Variants in KCNN2 observed in about 807,000 individuals in gnomAD.
The protein encoded by KCNN2 is potassium calcium-activated channel subfamily N member 2.
Under a neutral mutation model 55.5 loss-of-function variants are expected in KCNN2, and 24 were observed. The ratio of observed to expected loss-of-function variants is 0.43; its 90% confidence interval spans 0.31 to 0.61. The LOEUF (loss-of-function observed/expected upper bound fraction) is 0.61, where lower values mean the gene tolerates loss of function less well. Among genes scored for constraint, KCNN2 ranks in the 20% least tolerant of loss-of-function variants. The pLI is 0.08. For synonymous variants in KCNN2, 431 were observed against 336.1 expected (o/e 1.28, Z -3.09); for missense variants, 754 against 853.6 (o/e 0.88, Z 1.45).
At chr5:114,419,987 G>GACCC in intron 3 of KCNN2, among the ~76,000 whole-genome samples, 1 of 152,356 alleles carries the variant, frequency 6.6e-6, no homozygotes, top group East Asian at 1.9e-4. Flanking sequence ...AACATAGTGA[G>GACCC]ACCCTGTCTC....
rs1042566404 is a variant in KCNN2, at chr5:114,232,205, G to A, written c.-185+10640G>A. Among the ~76,000 whole-genome samples the A allele has an allele frequency of 1.2e-4, 18 of 150,886 alleles. 1 individual carries two copies. Among genetic ancestry groups the A allele is most frequent in the African/African-American group, 3.2e-4 (13 of 40,338 alleles). On this transcript the variant is annotated intron_variant, in intron 2 of 10. Transcript: ENST00000512097. ...GGAGTAAATTATTCAGGCAAGAGGCGTCATTGAATAGAGGATTAATGGTCT... is the reference window on the plus strand; with the variant it reads ...GGAGTAAATTATTCAGGCAAGAGGCATCATTGAATAGAGGATTAATGGTCT...
At chr5:114,117,094 A>G (rs1168255861) in intron 1 of KCNN2, among the ~76,000 whole-genome samples, 2 of 152,184 alleles carry the variant, frequency 1.3e-5, no homozygotes, top group African/African-American at 2.4e-5. Context: ...GAGAGCCAAG[A>G]GGGAAATTTA....
intron 1 of KCNN2, among the ~76,000 whole-genome samples, chr5:114,175,382 G>A (rs1214424818): frequency 1.3e-5 from 2 of 152,126 alleles, no homozygotes; most frequent in South Asian, 2.1e-4. Flanking sequence ...ATTTGATTCC[G>A]CCCTTTAAAA....
Position 114,486,670 on chromosome 5 carries a change from G to A in KCNN2, c.1891-380G>A, listed in dbSNP as rs377303974. ...GCTTGCAAAGGACAAGATTAACCTT[G>A]GCCTCATGGTATTTTGTCTTTCTGC... On this transcript the variant is annotated intron_variant, in intron 5 of 7. Coordinates refer to ENST00000673685, the MANE Select transcript of KCNN2 (RefSeq NM_021614.4). 3 of 1,118,214 alleles carry A rather than the reference G, an allele frequency of 2.7e-6. No individual in the cohort carries two copies. The South Asian group carries it at 4.0e-5, about 15-fold the overall frequency. 69.3% of individuals were successfully genotyped at this position (1,118,214 alleles called of 1,614,324 possible).
At chr5:114,222,115 C>T (rs1217916904) in intron 2 of KCNN2, among the ~76,000 whole-genome samples, 1 of 152,104 alleles carries the variant, frequency 6.6e-6, no homozygotes, top group Non-Finnish European at 1.5e-5. Flanking sequence ...ACATTTAATG[C>T]TTCAGTGAAA....
chr5:114,406,307 C>T (rs1036095972), intron 3 of KCNN2, among the ~76,000 whole-genome samples: 5 of 141,132 alleles, frequency 3.5e-5, no homozygotes, highest in African/African-American at 1.2e-4. Context: ...TTGGAGCTAT[C>T]TATTAACTTT....
chr5:114,470,100 G>A (rs559755247), intron 4 of KCNN2, among the ~76,000 whole-genome samples: 32 of 152,256 alleles, frequency 2.1e-4, no homozygotes, highest in African/African-American at 6.5e-4. Flanking sequence ...GATGACACCC[G>A]GTGAGAAATG....
At chr5:114,093,497 A>G (rs996595456) in intron 1 of KCNN2, among the ~76,000 whole-genome samples, 6 of 152,148 alleles carry the variant, frequency 3.9e-5, no homozygotes, top group Non-Finnish European at 5.9e-5. Context: ...CCCCACTCCC[A>G]GTACCAATTT....
At chr5:114,408,108 G>GCAAC (rs937826499) in intron 3 of KCNN2, among the ~76,000 whole-genome samples, 7 of 152,176 alleles carry the variant, frequency 4.6e-5, no homozygotes, top group Admixed American at 3.3e-4. Context: ...CAGTGCATGT[G>GCAAC]CGGTTGCCTC....
In KCNN2 at chr5:114,270,341, G is replaced by A. The variant is rs146309907; in HGVS notation, c.-185+48776G>A. On this transcript the variant is annotated intron_variant, in intron 2 of 10. Transcript: ENST00000512097. ...AAATTTCAGTCTTTAGGACAAGAAT[G>A]CGCTAACATACTATAAAAGCTGATT... Among the ~76,000 whole-genome samples, 7 of 152,290 alleles carry A rather than the reference G, an allele frequency of 4.6e-5. No individual in the cohort carries two copies. In the East Asian group the frequency reaches 1.4e-3, roughly 29 times the overall value.
At chr5:114,075,783 GC>G (rs1320350850) in intron 1 of KCNN2, among the ~76,000 whole-genome samples, 1 of 152,164 alleles carries the variant, frequency 6.6e-6, no homozygotes, top group Non-Finnish European at 1.5e-5. Context: ...GCACGCTGGG[GC>G]TTGTCTTTTG....
intron 2 of KCNN2, among the ~76,000 whole-genome samples, chr5:114,240,857 A>C (rs2112614562): frequency 6.6e-6 from 1 of 152,296 alleles, no homozygotes; most frequent in African/African-American, 2.4e-5. Context: ...ATCTTTGAAA[A>C]ATTAGTATAA....
chr5:114,433,256 G>A (rs1275005490), intron 3 of KCNN2, among the ~76,000 whole-genome samples: 1 of 152,194 alleles, frequency 6.6e-6, no homozygotes, highest in African/African-American at 2.4e-5. Context: ...TCAGCACCCT[G>A]TGTCTAGCTC....
chr5:114,440,676 T>TGGGGTG (rs1322992924), intron 3 of KCNN2, among the ~76,000 whole-genome samples: 1 of 4,430 alleles, frequency 2.3e-4, no homozygotes, highest in Non-Finnish European at 3.9e-4. Flanking sequence ...TCAGGGGAAG[T>TGGGGTG]GGGGTGGGGG....
chr5:114,127,001 G>A (rs115524765), intron 1 of KCNN2, among the ~76,000 whole-genome samples: 4,444 of 152,310 alleles, frequency 0.029, 91 homozygotes, highest in South Asian at 0.052. Flanking sequence ...TCCAGGTCGC[G>A]CTGATGCAAG....
At chr5:114,420,169 G>C (rs1197800834) in intron 3 of KCNN2, among the ~76,000 whole-genome samples, 2 of 152,258 alleles carry the variant, frequency 1.3e-5, no homozygotes, top group African/African-American at 4.8e-5. Context: ...TGGAGGAGCA[G>C]GTCTTGGGAT....
At chr5:114,447,455 CAG>C (rs1228043246) in intron 3 of KCNN2, among the ~76,000 whole-genome samples, 4 of 152,238 alleles carry the variant, frequency 2.6e-5, no homozygotes, top group Non-Finnish European at 5.9e-5. Context: ...TATAGTTTAA[CAG>C]AGGTAGAATT....
chr5:114,427,407 A>G (rs748049585), intron 3 of KCNN2, among the ~76,000 whole-genome samples: 1 of 152,232 alleles, frequency 6.6e-6, no homozygotes, highest in Non-Finnish European at 1.5e-5. Context: ...TGTGGGGACA[A>G]TCCCATAGGT....
At chr5:114,395,882 G>A (rs776398625) in intron 2 of KCNN2, among the ~76,000 whole-genome samples, 2 of 152,076 alleles carry the variant, frequency 1.3e-5, no homozygotes, top group Non-Finnish European at 2.9e-5. Context: ...TTGGCCTTGA[G>A]TACTGTTTTG....
Sources: gnomAD v4.1 joint callset for allele counts (sites outside exome capture counted in the v4.1 genomes callset) on GRCh38, gnomAD v4.1.1 for gene constraint, MANE v1.5 for transcripts, NCBI Gene and HGNC (gene_info 2026-07-23, HGNC 2026-07-21) for gene names.